The following CRACD variants were observed in gnomAD, a reference collection of about 807,000 sequenced individuals.
The protein encoded by CRACD is capping protein-inhibiting regulator of actin dynamics.
Under a neutral mutation model 106.8 loss-of-function variants are expected in CRACD, and 56 were observed. The ratio of observed to expected loss-of-function variants is 0.52; its 90% CI spans 0.42 to 0.66. The LOEUF is 0.66. Ranked by LOEUF, CRACD falls within the 30% of genes least tolerant of loss-of-function variation. CRACD has a pLI of 0.00. For missense variants in CRACD, 1,730 were observed against 1,623.2 expected (o/e 1.07, Z -1.13); for synonymous variants, 754 against 670.8 (o/e 1.12, Z -1.92).
In CRACD at chr4:56,049,278, G is replaced by A. The variant is rs1731781176; in HGVS notation, c.-357G>A. 1 of 151,396 alleles carries A rather than the reference G, an allele frequency of 6.6e-6. No homozygotes were observed. The highest frequency in any genetic ancestry group is 1.5e-5 in the Non-Finnish European group (1 of 67,858). 9.4% of individuals were successfully genotyped at this position (151,396 alleles called of 1,614,324 possible). ...CGCCGGCCAGCCGCTCTGCCAGCCGGAGCGCCAGGCGGGGACCTCAGGTGA... is the reference window on the plus strand; with the variant it reads ...CGCCGGCCAGCCGCTCTGCCAGCCGAAGCGCCAGGCGGGGACCTCAGGTGA... On this transcript the variant is annotated 5_prime_UTR_variant, in exon 1 of 11. Coordinates refer to ENST00000682029, the MANE Select transcript of CRACD (RefSeq NM_001393381.1).
intron 1 of CRACD, among the ~76,000 whole-genome samples, chr4:56,129,590 C>G (rs1172706061): frequency 1.3e-5 from 2 of 152,202 alleles, no homozygotes; most frequent in African/African-American, 4.8e-5. Flanking sequence ...CAGGTGGATG[C>G]TGGTGCCTAG....
chr4:56,259,770 G>A (rs1282994690), intron 2 of CRACD, among the ~76,000 whole-genome samples: 1 of 152,152 alleles, frequency 6.6e-6, no homozygotes, highest in Non-Finnish European at 1.5e-5. Context: ...CAATCAACAG[G>A]CAAAGCAGGG....
chr4:56,077,435 T>C (rs935739321), intron 1 of CRACD, among the ~76,000 whole-genome samples: 3 of 152,186 alleles, frequency 2.0e-5, no homozygotes, highest in African/African-American at 4.8e-5. Flanking sequence ...CATATCATTA[T>C]GTATACGTGC....
chr4:56,325,845 C>A (rs139308465), intron 10 of CRACD, among the ~76,000 whole-genome samples: 30 of 152,262 alleles, frequency 2.0e-4, no homozygotes, highest in African/African-American at 7.0e-4. Context: ...ATTAAGAGGT[C>A]TTACTATTAA....
At chr4:56,122,423 A>G (rs776571751) in intron 1 of CRACD, among the ~76,000 whole-genome samples, 4 of 152,160 alleles carry the variant, frequency 2.6e-5, no homozygotes, top group Non-Finnish European at 4.4e-5. Context: ...CAAATTCTCT[A>G]TAGACATTAT....
At chr4:56,161,096 T>G (rs1455176169) in intron 1 of CRACD, among the ~76,000 whole-genome samples, 2 of 152,238 alleles carry the variant, frequency 1.3e-5, no homozygotes, top group African/African-American at 4.8e-5. Flanking sequence ...AGAAAGTAAT[T>G]AACTGAAAAG....
intron 1 of CRACD, among the ~76,000 whole-genome samples, chr4:56,121,161 A>G (rs1382631): frequency 0.53 from 80,448 of 151,510 alleles, 22,043 homozygotes; most frequent in African/African-American, 0.68. Flanking sequence ...TTGTCTTGAT[A>G]TTTTAGTTTT....
At chr4:56,175,550 A>G (rs563149217) in intron 1 of CRACD, among the ~76,000 whole-genome samples, 77 of 152,250 alleles carry the variant, frequency 5.1e-4, no homozygotes, top group Non-Finnish European at 8.5e-4. Flanking sequence ...ATTACATGAG[A>G]TATTTTGCTT....
At position 56,213,579 on chromosome 4, in the gene CRACD, C is replaced by T. The variant is rs1393059195; in HGVS notation, c.-189+34149C>T. Among the ~76,000 whole-genome samples the T allele has an allele frequency of 5.9e-5, 9 of 152,208 alleles. No homozygotes were observed. In the East Asian group the frequency reaches 1.7e-3, roughly 29 times the overall value. Reference sequence around the variant, plus strand: ...GAGTACATTCAGAGAGACTCCAGTACAGCCACATGTTGGAAGATTTATGGA... The same window carrying T: ...GAGTACATTCAGAGAGACTCCAGTATAGCCACATGTTGGAAGATTTATGGA... On this transcript the variant is annotated intron_variant, in intron 2 of 10. Transcript: ENST00000682029.
intron 2 of CRACD, among the ~76,000 whole-genome samples, chr4:56,186,436 A>G (rs1381596119): frequency 1.3e-5 from 2 of 152,208 alleles, no homozygotes; most frequent in African/African-American, 2.4e-5. Context: ...GGACTGAATC[A>G]TCAACTCTAT....
chr4:56,322,930 G>A lies in CRACD; in HGVS notation c.3188-447G>A, dbSNP rs1367741252. ...TGTAGTCCTAGCTACTCGCGAGGCT[G>A]AAACAGGAGAATTGCCTGAACCCAG... On this transcript the variant is annotated intron_variant, in intron 8 of 10. Coordinates refer to ENST00000682029, the MANE Select transcript of CRACD (RefSeq NM_001393381.1). Among the ~76,000 whole-genome samples, 3 of 152,186 alleles carry A rather than the reference G, an allele frequency of 2.0e-5. No homozygotes were observed. In the East Asian group the frequency reaches 5.8e-4, roughly 29 times the overall value.
chr4:56,189,122 G>A (rs1195306340), intron 2 of CRACD, among the ~76,000 whole-genome samples: 9 of 151,948 alleles, frequency 5.9e-5, no homozygotes, highest in Admixed American at 5.9e-4. Flanking sequence ...GGGAGAGGTT[G>A]CAGTGAGCTA....
intron 1 of CRACD, among the ~76,000 whole-genome samples, chr4:56,171,704 A>G (rs778849800): frequency 6.6e-6 from 1 of 152,246 alleles, no homozygotes; most frequent in Non-Finnish European, 1.5e-5. Context: ...CAGACTATCA[A>G]CATTGTAGCT....
chr4:56,236,750 A>G (rs1202909376), intron 2 of CRACD, among the ~76,000 whole-genome samples: 15 of 152,118 alleles, frequency 9.9e-5, no homozygotes, highest in Non-Finnish European at 2.2e-4. Flanking sequence ...AAAAAAAAAA[A>G]CAAAACTTTT....
chr4:56,116,442 T>C (rs1301001680), intron 1 of CRACD, among the ~76,000 whole-genome samples: 1 of 152,204 alleles, frequency 6.6e-6, no homozygotes, highest in Non-Finnish European at 1.5e-5. Flanking sequence ...ACTTCAATGA[T>C]AGATCCTTCT....
chr4:56,321,452 A>G (rs1241817689), intron 8 of CRACD: 1 of 152,352 alleles, frequency 6.6e-6, no homozygotes, highest in African/African-American at 2.4e-5. Context: ...AGTTGTTGGC[A>G]GGAAACTGGC....
rs971907705 is a variant in CRACD, at chr4:56,298,277, G to A, written c.48G>A (p.Gly16=). ...FSHDSIFIPD[G]GAESEQTVQA... ...ATGACAGTATTTTTATCCCTGATGGGGGAGCAGAAAGTGAGCAGACAGTTC... is the reference window on the plus strand; with the variant it reads ...ATGACAGTATTTTTATCCCTGATGGAGGAGCAGAAAGTGAGCAGACAGTTC... The change falls in exon 4 of 11, where the codon GGG becomes GGA. Residue 16 remains glycine, a synonymous_variant. Transcript: ENST00000682029. The A allele has an allele frequency of 6.2e-7, 1 of 1,614,140 alleles. No homozygotes were observed. The highest frequency in any genetic ancestry group is 8.5e-7 in the Non-Finnish European group (1 of 1,180,016).
intron 1 of CRACD, among the ~76,000 whole-genome samples, chr4:56,108,450 T>C (rs1734015997): frequency 6.6e-6 from 1 of 152,212 alleles, no homozygotes; most frequent in Admixed American, 6.5e-5. Flanking sequence ...TCGAGGTCCC[T>C]GTCATGTAGG....
At chr4:56,266,070 G>GAA (rs58121402) in intron 2 of CRACD, among the ~76,000 whole-genome samples, 54 of 147,040 alleles carry the variant, frequency 3.7e-4, no homozygotes, top group African/African-American at 7.7e-4. Context: ...TTTTTTAAAT[G>GAA]AAAAAAAAAA....
Sources: gnomAD v4.1 joint callset for allele counts (sites outside exome capture counted in the v4.1 genomes callset) on GRCh38, gnomAD v4.1.1 for gene constraint, MANE v1.5 for transcripts, NCBI Gene and HGNC (gene_info 2026-07-23, HGNC 2026-07-21) for gene names.